Variants in CPEB4 observed in about 807,000 individuals in gnomAD.
CPEB4 encodes the protein cytoplasmic polyadenylation element-binding protein 4.
CPEB4 carries 12 observed loss-of-function variants against 72.5 expected under a neutral mutation model. The observed-to-expected ratio is 0.17, with a 90% confidence interval of 0.11 to 0.27. The LOEUF (loss-of-function observed/expected upper bound fraction) is 0.27, where lower values mean the gene tolerates loss of function less well. Among genes scored for constraint, CPEB4 ranks in the 10% least tolerant of loss-of-function variants. CPEB4 has a pLI of 1.00. For missense variants in CPEB4, 614 were observed against 908.5 expected, an observed-to-expected ratio of 0.68 and a Z score of 4.17; for synonymous variants, 302 against 326.3, an observed-to-expected ratio of 0.93 and a Z score of 0.80.
At chr5:173,933,347 G>C (rs1277325762) in intron 3 of CPEB4, among the ~76,000 whole-genome samples, 2 of 152,164 alleles carry the variant, frequency 1.3e-5, no homozygotes, top group Non-Finnish European at 2.9e-5. Flanking sequence ...ATTTTAGTAT[G>C]TTGTGAATGA....
chr5:173,901,844 G>A (rs1050870768), intron 1 of CPEB4, among the ~76,000 whole-genome samples: 3 of 152,172 alleles, frequency 2.0e-5, no homozygotes, highest in African/African-American at 7.2e-5. Flanking sequence ...ATGGCTTTAC[G>A]GCATGCTACA....
chr5:173,911,288 T>G (rs954152202), intron 2 of CPEB4, among the ~76,000 whole-genome samples: 1 of 151,840 alleles, frequency 6.6e-6, no homozygotes. Context: ...TATTTTTTTT[T>G]GAGACGGAGT....
intron 2 of CPEB4, among the ~76,000 whole-genome samples, chr5:173,917,697 G>A (rs1396427230): frequency 6.6e-6 from 1 of 152,226 alleles, no homozygotes; most frequent in Non-Finnish European, 1.5e-5. Flanking sequence ...TTGCACTCCA[G>A]CCTGGGCGAC....
chr5:173,939,477 G>T (rs1757751585), intron 3 of CPEB4, among the ~76,000 whole-genome samples: 1 of 152,100 alleles, frequency 6.6e-6, no homozygotes, highest in Admixed American at 6.5e-5. Context: ...CTTTTTATGG[G>T]ATAAATAATA....
intron 1 of CPEB4, among the ~76,000 whole-genome samples, chr5:173,909,462 AT>A (rs1284525801): frequency 7.9e-5 from 12 of 152,136 alleles, no homozygotes; most frequent in African/African-American, 2.4e-4. Context: ...CGTGACAGTA[AT>A]GAGAGCAGCT....
intron 2 of CPEB4, among the ~76,000 whole-genome samples, chr5:173,924,480 T>C (rs1757175999): frequency 6.6e-6 from 1 of 152,220 alleles, no homozygotes; most frequent in African/African-American, 2.4e-5. Context: ...TTTGGAACTT[T>C]TTGGCCAAAA....
intron 7 of CPEB4, among the ~76,000 whole-genome samples, chr5:173,951,041 T>C (rs1264354314): frequency 6.6e-5 from 10 of 152,222 alleles, no homozygotes; most frequent in African/African-American, 1.9e-4. Flanking sequence ...TCCTGAAGTC[T>C]TGTGGTTGTC....
At chr5:173,932,744 G>A (rs1757491476) in intron 3 of CPEB4, among the ~76,000 whole-genome samples, 1 of 152,178 alleles carries the variant, frequency 6.6e-6, no homozygotes, top group Non-Finnish European at 1.5e-5. Context: ...ATCCCATAAT[G>A]ATACCTAAAG....
intron 1 of CPEB4, among the ~76,000 whole-genome samples, chr5:173,906,257 T>C (rs1756432262): frequency 6.6e-6 from 1 of 152,256 alleles, no homozygotes; most frequent in South Asian, 2.1e-4. Context: ...GTTCTTATAC[T>C]TTGGGTTTGT....
At chr5:173,904,209 G>A (rs796232552) in intron 1 of CPEB4, among the ~76,000 whole-genome samples, 3 of 152,198 alleles carry the variant, frequency 2.0e-5, no homozygotes, top group Admixed American at 6.5e-5. Flanking sequence ...TTAAATACTC[G>A]AAGCTTCAGT....
rs189569772 is a variant in CPEB4, at chr5:173,950,332, T to C, written c.1665+254T>C. On this transcript the variant is annotated intron_variant, in intron 7 of 9. Transcript: ENST00000265085. The surrounding 1 kb of genome is among the most constrained non-coding windows in gnomAD (Gnocchi z 5.0). Reference sequence around the variant, plus strand: ...TTTTAAAAGATTTCACGGCTGGGCATGGTGGCTCACACCTGTAATCCCAGC... The same window carrying C: ...TTTTAAAAGATTTCACGGCTGGGCACGGTGGCTCACACCTGTAATCCCAGC... 2.6e-3 allele frequency among the ~76,000 whole-genome samples: 401 copies of C among 152,292 alleles called. 3 individuals carry two copies. Among genetic ancestry groups the C allele is most frequent in the African/African-American group, 8.6e-3 (359 of 41,564 alleles).
chr5:173,934,315 A>G (rs1042069415), intron 3 of CPEB4, among the ~76,000 whole-genome samples: 3 of 152,194 alleles, frequency 2.0e-5, no homozygotes, highest in Non-Finnish European at 4.4e-5. Flanking sequence ...TTCCCAAAAT[A>G]TTTATGTTTT....
rs1421146081 is a variant in CPEB4 at position 173,950,750 on chromosome 5, A to G, written c.1665+672A>G. 6.6e-6 allele frequency among the ~76,000 whole-genome samples: 1 copy of G among 152,198 alleles called. No individual in the cohort carries two copies. The stretch of plus-strand genomic sequence containing the variant: ...TCTTTCTAGCGTTTTCCTCACTTTA[A>G]TGAAGATTTTACCCAATATTATCCT... On this transcript the variant is annotated intron_variant, in intron 7 of 9. Transcript: ENST00000265085. The surrounding 1 kb of genome is among the most constrained non-coding windows in gnomAD (Gnocchi z 5.0).
chr5:173,924,960 A>G (rs915805284), intron 2 of CPEB4, among the ~76,000 whole-genome samples: 14 of 152,350 alleles, frequency 9.2e-5, no homozygotes, highest in South Asian at 2.1e-4. Flanking sequence ...GAAGGAGTAC[A>G]GAGGGTTATC....
intron 1 of CPEB4, among the ~76,000 whole-genome samples, chr5:173,901,566 A>G (rs1479517471): frequency 6.6e-6 from 1 of 152,154 alleles, no homozygotes; most frequent in African/African-American, 2.4e-5. Flanking sequence ...AATAGAGCAA[A>G]AATTCTAGGC....
In CPEB4 at chr5:173,961,366, T is replaced by G. The variant is rs940345452; in HGVS notation, c.*5229T>G. ...GATAGCCCAAGCATATTTAGTTTAT[T>G]TTAGGAAATGTTTATTTCAGGTAAG... On this transcript the variant is annotated 3_prime_UTR_variant, in exon 10 of 10. Coordinates refer to ENST00000265085, the MANE Select transcript of CPEB4 (RefSeq NM_030627.4). The G allele has an allele frequency of 1.3e-5, 2 of 152,240 alleles. No homozygotes were observed. Among genetic ancestry groups the G allele is most frequent in the Non-Finnish European group, 2.9e-5 (2 of 68,044 alleles). 9.4% of individuals were successfully genotyped at this position (152,240 alleles called of 1,614,324 possible).
chr5:173,931,479 C>A (rs116223704), intron 2 of CPEB4, among the ~76,000 whole-genome samples: 116 of 152,316 alleles, frequency 7.6e-4, no homozygotes, highest in African/African-American at 2.7e-3. Flanking sequence ...TAGTAGAGAA[C>A]TAACAACCAG....
intron 8 of CPEB4, 95 bp downstream of exon 8, chr5:173,952,033 C>A: frequency 1.2e-6 from 1 of 801,324 alleles, no homozygotes; most frequent in Non-Finnish European, 2.1e-6. Flanking sequence ...AGTTAATATC[C>A]AAGAGTGAGA....
rs1393468919 is a variant in CPEB4, at chr5:173,949,540, C to T, written c.1489C>T (p.Pro497Ser). The T allele has an allele frequency of 2.5e-6, 4 of 1,613,172 alleles. No individual in the cohort carries two copies. Among genetic ancestry groups the T allele is most frequent in the Non-Finnish European group, 3.4e-6 (4 of 1,179,614 alleles). ...EITASFRRFG[P>S]LIVDWPHKAE... ...CACAGCTAGTTTTCGTCGCTTTGGC[C>T]CTCTGATTGTGGATTGGCCTCATAA... Residue 497 changes from proline (P) to serine (S), a missense_variant, in exon 6 of 10, where the codon CCT becomes TCT. By Grantham distance (74) the Pro-to-Ser change is moderately conservative. Coordinates refer to ENST00000265085, the MANE Select transcript of CPEB4 (RefSeq NM_030627.4).
Sources: gnomAD v4.1 joint callset for allele counts (sites outside exome capture counted in the v4.1 genomes callset) on GRCh38, gnomAD v4.1.1 for gene constraint, Gnocchi (gnomAD v3.1) non-coding constraint, MANE v1.5 for transcripts, NCBI Gene and HGNC (gene_info 2026-07-23, HGNC 2026-07-21) for gene names.